CEMIP: variants seen among roughly 807,000 people sequenced by gnomAD.
CEMIP encodes the protein cell migration inducing hyaluronidase 1.
CEMIP carries 105 observed loss-of-function variants against 156.9 expected under a neutral mutation model. The observed-to-expected ratio is 0.67, with a 90% CI of 0.57 to 0.79. The LOEUF (loss-of-function observed/expected upper bound fraction) is 0.79, where lower values mean the gene tolerates loss of function less well. Among genes scored for constraint, CEMIP ranks in the 30% least tolerant of loss-of-function variants. CEMIP has a pLI of 0.00. For synonymous variants in CEMIP, 676 were observed against 668.4 expected, an observed-to-expected ratio of 1.01 and a Z score of -0.17; for missense variants, 1,457 against 1,769.4, an observed-to-expected ratio of 0.82 and a Z score of 3.17.
At chr15:80,819,037 A>G (rs1896853615) in intron 1 of CEMIP, among the ~76,000 whole-genome samples, 1 of 152,216 alleles carries the variant, frequency 6.6e-6, no homozygotes, top group African/African-American at 2.4e-5. Context: ...CAGCCTGGGC[A>G]TCTTCAGTCT....
intron 27 of CEMIP, among the ~76,000 whole-genome samples, chr15:80,942,700 C>T (rs1241028801): frequency 1.3e-5 from 2 of 152,208 alleles, no homozygotes; most frequent in Admixed American, 6.5e-5. Flanking sequence ...AACTTAATTC[C>T]GTCTGCAAAG....
At chr15:80,914,417 G>A (rs1900184368) in intron 14 of CEMIP, among the ~76,000 whole-genome samples, 1 of 152,156 alleles carries the variant, frequency 6.6e-6, no homozygotes, top group African/African-American at 2.4e-5. Context: ...CAAGATGCTT[G>A]AAACCAGGAT....
intron 25 of CEMIP, 67 bp downstream of exon 25, chr15:80,938,046 A>G (rs1170481322): frequency 1.3e-5 from 17 of 1,354,176 alleles, no homozygotes; most frequent in Non-Finnish European, 1.8e-5. Flanking sequence ...GGCCTTTCCA[A>G]TAAGTCTAAG....
intron 1 of CEMIP, among the ~76,000 whole-genome samples, chr15:80,795,311 G>A (rs1241579656): frequency 6.6e-6 from 1 of 152,102 alleles, no homozygotes; most frequent in Admixed American, 6.6e-5. Context: ...ATAGGCAATA[G>A]TTAGCAAAAA....
intron 1 of CEMIP, among the ~76,000 whole-genome samples, chr15:80,818,878 G>C (rs1193929334): frequency 1.3e-5 from 2 of 152,190 alleles, no homozygotes. Context: ...ATCGCTCAGA[G>C]GGCTTCACAG....
chr15:80,871,872 A>G (rs1898304759), intron 1 of CEMIP, among the ~76,000 whole-genome samples: 1 of 152,198 alleles, frequency 6.6e-6, no homozygotes, highest in African/African-American at 2.4e-5. Context: ...AGCCATTCCC[A>G]GATGCCGTGA....
intron 3 of CEMIP, among the ~76,000 whole-genome samples, chr15:80,877,907 A>T (rs565513248): frequency 5.3e-5 from 8 of 152,216 alleles, no homozygotes; most frequent in South Asian, 2.1e-4. Context: ...TTCCATGGGA[A>T]TGGTCCTGGC....
At chr15:80,808,351 G>GC (rs1203606498) in intron 1 of CEMIP, among the ~76,000 whole-genome samples, 6 of 152,126 alleles carry the variant, frequency 3.9e-5, no homozygotes, top group Non-Finnish European at 8.8e-5. Context: ...CAGCGCATCT[G>GC]CCCCCCACTG....
At chr15:80,945,970 CCT>C (rs1901536330) in intron 28 of CEMIP, among the ~76,000 whole-genome samples, 1 of 152,220 alleles carries the variant, frequency 6.6e-6, no homozygotes, top group Non-Finnish European at 1.5e-5. Context: ...TTGCTCCAAA[CCT>C]CTGTGTCTTT....
At chr15:80,930,135 A>G (rs770424706) in intron 21 of CEMIP, among the ~76,000 whole-genome samples, 4 of 152,216 alleles carry the variant, frequency 2.6e-5, no homozygotes, top group Non-Finnish European at 5.9e-5. Context: ...TATAATTTCT[A>G]CTACTAGAGT....
intron 1 of CEMIP, among the ~76,000 whole-genome samples, chr15:80,810,983 C>G (rs1896659212): frequency 6.6e-6 from 1 of 152,156 alleles, no homozygotes; most frequent in Non-Finnish European, 1.5e-5. Context: ...ATTTACCAAC[C>G]TACCCATCAC....
chr15:80,864,817 C>T (rs1391181145), intron 1 of CEMIP, among the ~76,000 whole-genome samples: 7 of 152,198 alleles, frequency 4.6e-5, no homozygotes, highest in African/African-American at 7.2e-5. Flanking sequence ...CAAACGTAAG[C>T]GCTTATCAGA....
intron 1 of CEMIP, among the ~76,000 whole-genome samples, chr15:80,858,735 A>AT: frequency 6.6e-6 from 1 of 152,276 alleles, no homozygotes; most frequent in East Asian, 1.9e-4. Flanking sequence ...CAAAAAAAAA[A>AT]GAAAAAAAGA....
At chr15:80,867,844 C>A (rs1898171334) in intron 1 of CEMIP, among the ~76,000 whole-genome samples, 1 of 152,246 alleles carries the variant, frequency 6.6e-6, no homozygotes, top group East Asian at 1.9e-4. Context: ...TGGGGAGGAA[C>A]AAGTGGCAGA....
chr15:80,895,472 G>A (rs1899187216), intron 11 of CEMIP, among the ~76,000 whole-genome samples: 1 of 152,136 alleles, frequency 6.6e-6, no homozygotes, highest in African/African-American at 2.4e-5. Context: ...TGGTCGGGTT[G>A]TTCTCGGAGG....
At chr15:80,902,031 G>C (rs1340686273) in intron 12 of CEMIP, among the ~76,000 whole-genome samples, 1 of 152,202 alleles carries the variant, frequency 6.6e-6, no homozygotes, top group East Asian at 1.9e-4. Context: ...ATCTGAGAAG[G>C]TCAGGCCCCA....
intron 1 of CEMIP, among the ~76,000 whole-genome samples, chr15:80,850,427 C>T (rs1289294794): frequency 6.6e-6 from 1 of 152,112 alleles, no homozygotes; most frequent in Non-Finnish European, 1.5e-5. Context: ...CAAACATGTG[C>T]CACCATGCCT....
chr15:80,931,768 C>A, intron 21 of CEMIP, 91 bp from the exon 22 acceptor site: 1 of 1,322,712 alleles, frequency 7.6e-7, no homozygotes, highest in Non-Finnish European at 1.1e-6. Context: ...TCAGAAGGGG[C>A]AAACATGGCG....
rs915191013 is a variant in CEMIP, at chr15:80,922,083, A to G, written c.2148A>G (p.Ser716=). ...PSVGMYSPGY[S]EHIPLGKFYN... ...TGGGAATGTACTCCCCAGGTTATTC[A>G]GAGCACATTCCACTGGGAAAATTCT... Residue 716 remains serine, a synonymous_variant, in exon 17 of 30, where the codon TCA becomes TCG. Coordinates refer to ENST00000394685, the MANE Select transcript of CEMIP (RefSeq NM_001293298.2). 6.2e-7 allele frequency: 1 copy of G among 1,614,234 alleles called. No homozygotes were observed. Among genetic ancestry groups the G allele is most frequent in the South Asian group, 1.1e-5 (1 of 91,092 alleles).
Sources: allele counts gnomAD v4.1 joint callset (sites outside exome capture counted in the v4.1 genomes callset), GRCh38; gene constraint gnomAD v4.1.1; transcripts MANE v1.5; gene names NCBI Gene and HGNC (gene_info 2026-07-23, HGNC 2026-07-21).